SF3B1: variants seen among roughly 807,000 people sequenced by gnomAD.
The protein encoded by SF3B1 is splicing factor 3b subunit 1, also known as pre-mRNA processing 10.
In SF3B1, 12 loss-of-function variants were observed where a neutral mutation model predicts 153.8. The ratio of observed to expected loss-of-function variants is 0.08; its 90% CI spans 0.05 to 0.13. The LOEUF is 0.13. Among genes scored for constraint, SF3B1 ranks in the 10% least tolerant of loss-of-function variants. SF3B1 has a pLI of 1.00. For synonymous variants in SF3B1, 498 were observed against 525.2 expected (o/e 0.95, Z 0.71); for missense variants, 513 against 1,606.1 (o/e 0.32, Z 11.63).
chr2:197,405,757 A>G (rs1425132433), intron 9 of SF3B1, among the ~76,000 whole-genome samples: 1 of 152,214 alleles, frequency 6.6e-6, no homozygotes, highest in Admixed American at 6.5e-5. Context: ...TCAAATTATT[A>G]AAAATTTGAA....
intron 20 of SF3B1, chr2:197,399,146 A>G: frequency 2.5e-6 from 3 of 1,206,996 alleles, no homozygotes; most frequent in South Asian, 3.0e-5. Context: ...CTGACAAACA[A>G]TATGGTTTAA....
chr2:197,419,628 G>C (rs2085208681), intron 4 of SF3B1: 1 of 223,384 alleles, frequency 4.5e-6, no homozygotes. Flanking sequence ...GACAGGACTG[G>C]CATATAGCAG....
intron 20 of SF3B1, chr2:197,398,862 A>G: frequency 1.2e-5 from 6 of 486,720 alleles, no homozygotes; most frequent in South Asian, 1.1e-4. Context: ...ATATTTGTGC[A>G]CTGACATTTA....
intron 1 of SF3B1, among the ~76,000 whole-genome samples, chr2:197,430,031 A>G (rs946936423): frequency 2.0e-5 from 3 of 152,206 alleles, no homozygotes; most frequent in Non-Finnish European, 4.4e-5. Flanking sequence ...GTGCAAGGAA[A>G]AAGAAAGAGA....
Position 197,392,959 on chromosome 2 carries a change from A to T in SF3B1, c.3756+13T>A, listed in dbSNP as rs78290057. 6.6e-7 allele frequency: 1 copy of T among 1,507,906 alleles called. No individual in the cohort carries two copies. The highest frequency in any genetic ancestry group is 9.1e-7 in the Non-Finnish European group (1 of 1,102,182). The allele number at this position is 1,507,906 out of a possible 1,614,324, so 93.4% of individuals were successfully genotyped here. Reference sequence around the variant, plus strand: ...AAAAAAATCACCGATTAAAAAAAAAATCTTTAACTTACCTGTAAACAATAT... The same window carrying T: ...AAAAAAATCACCGATTAAAAAAAAATTCTTTAACTTACCTGTAAACAATAT... On this transcript the variant is annotated intron_variant, in intron 24 of 24. Coordinates refer to ENST00000335508, the MANE Select transcript of SF3B1 (RefSeq NM_012433.4).
intron 2 of SF3B1, among the ~76,000 whole-genome samples, chr2:197,421,496 A>G (rs1559276211): frequency 6.6e-6 from 1 of 152,186 alleles, no homozygotes; most frequent in Non-Finnish European, 1.5e-5. Flanking sequence ...TTCTTTTTTT[A>G]ACTCATGTTT....
intron 1 of SF3B1, among the ~76,000 whole-genome samples, chr2:197,425,187 C>T (rs1294005267): frequency 6.6e-6 from 1 of 152,088 alleles, no homozygotes; most frequent in Admixed American, 6.6e-5. Context: ...AAAATTAGGC[C>T]GGGCGCAGTG....
intron 4 of SF3B1, chr2:197,419,217 TAA>T (rs2085202245): frequency 2.3e-6 from 1 of 432,182 alleles, no homozygotes; most frequent in South Asian, 4.5e-5. Context: ...TTAGAAAGCA[TAA>T]ATTAAAACTG....
At chr2:197,409,190 G>A (rs763354793) in intron 7 of SF3B1, among the ~76,000 whole-genome samples, 5 of 151,854 alleles carry the variant, frequency 3.3e-5, no homozygotes, top group African/African-American at 9.7e-5. Context: ...ATCTGAGGTC[G>A]GGAGTTCGAG....
chr2:197,393,211 C>G (rs1223402394), intron 23 of SF3B1, 23 bp from the exon 24 acceptor site: 2 of 1,527,278 alleles, frequency 1.3e-6, no homozygotes, highest in Non-Finnish European at 1.8e-6. Context: ...GGAAAAAAGT[C>G]CTTTAAGATG....
chr2:197,411,142 A>C (rs2085061552), intron 6 of SF3B1, among the ~76,000 whole-genome samples: 2 of 152,062 alleles, frequency 1.3e-5, no homozygotes, highest in Admixed American at 1.3e-4. Flanking sequence ...GAGTCTTACT[A>C]TGCTGCCCAG....
In SF3B1 at chr2:197,398,526, G is replaced by T; in HGVS notation, c.3069C>A (p.Ile1023=). The change falls in exon 21 of 25, where the codon ATC becomes ATA. Residue 1023 remains isoleucine (I), a synonymous_variant. Coordinates refer to ENST00000335508, the MANE Select transcript of SF3B1 (RefSeq NM_012433.4). ...GTACTTTTTCATGTCTGTTCTTTAA[G>T]ATGGGGGTGAGTCTAGGCAGCAGAT... is the stretch of plus-strand genomic sequence containing the variant. ...IKDLLPRLTP[I]LKNRHEKVQE... 2.5e-6 allele frequency: 4 copies of T among 1,613,478 alleles called. No individual in the cohort carries two copies. Among genetic ancestry groups the T allele is most frequent in the Non-Finnish European group, 3.4e-6 (4 of 1,179,504 alleles).
chr2:197,399,166 C>A, intron 20 of SF3B1: 2 of 1,067,254 alleles, frequency 1.9e-6, no homozygotes, highest in Non-Finnish European at 2.4e-6. Context: ...AAACTCCCTG[C>A]AAACCAGAGC....
At chr2:197,428,018 A>AAATTAATTAATTAATT (rs113443979) in intron 1 of SF3B1, among the ~76,000 whole-genome samples, 7 of 151,364 alleles carry the variant, frequency 4.6e-5, no homozygotes, top group Admixed American at 2.0e-4. Flanking sequence ...ACTCCGTCTC[A>AAATTAATTAATTAATT]AATTAATTAA....
chr2:197,393,391 G>A lies in SF3B1; in HGVS notation c.3540-203C>T, dbSNP rs574776298. 6.1e-5 allele frequency: 34 copies of A among 554,408 alleles called. No homozygotes were observed. In the East Asian group the frequency reaches 9.8e-4, roughly 16 times the overall value. The allele number at this position is 554,408 out of a possible 1,614,324, so 34.3% of individuals were successfully genotyped here. A position where few individuals can be genotyped will look rare whatever the true frequency, so the allele number is the denominator to read the frequency against. Reference sequence around the variant, plus strand: ...TCCTTTAGAATAGCTTCCACTTGAGGACTTTTGCTTTAATTACTCAAGATT... The same window carrying A: ...TCCTTTAGAATAGCTTCCACTTGAGAACTTTTGCTTTAATTACTCAAGATT... On this transcript the variant is annotated intron_variant, in intron 23 of 24. Transcript: ENST00000335508.
At chr2:197,397,861 A>G (rs1275311345) in intron 22 of SF3B1, 124 bp downstream of exon 22, 4 of 573,696 alleles carry the variant, frequency 7.0e-6, no homozygotes, top group Non-Finnish European at 1.2e-5. Context: ...TTAAATGAAG[A>G]GCTTTCTCAA....
intron 7 of SF3B1, among the ~76,000 whole-genome samples, chr2:197,408,872 G>A (rs897929400): frequency 3.3e-5 from 5 of 152,172 alleles, no homozygotes; most frequent in African/African-American, 1.2e-4. Flanking sequence ...GCAGTCAGCC[G>A]AGAGCGCACC....
intron 6 of SF3B1, among the ~76,000 whole-genome samples, chr2:197,412,800 C>T (rs890089770): frequency 2.7e-5 from 4 of 150,578 alleles, no homozygotes; most frequent in African/African-American, 7.3e-5. Flanking sequence ...GCCTGGCCAA[C>T]ACTGCGAAAC....
intron 6 of SF3B1, among the ~76,000 whole-genome samples, chr2:197,415,081 G>T (rs577808892): frequency 6.6e-6 from 1 of 151,350 alleles, no homozygotes; most frequent in South Asian, 2.1e-4. Context: ...GGATGTGAAT[G>T]GGGTTAAGAG....
Sources: gnomAD v4.1 joint callset for allele counts (sites outside exome capture counted in the v4.1 genomes callset) on GRCh38, gnomAD v4.1.1 for gene constraint, MANE v1.5 for transcripts, NCBI Gene and HGNC (gene_info 2026-07-23, HGNC 2026-07-21) for gene names.